FBXW7: variants seen among roughly 807,000 people sequenced by gnomAD.
FBXW7 encodes F-box and WD repeat domain containing 7, also known as F-box/WD repeat-containing protein 7.
Under a neutral mutation model 86.3 loss-of-function variants are expected in FBXW7, and 11 were observed. The observed-to-expected ratio is 0.13, with a 90% CI of 0.08 to 0.21. FBXW7 has a LOEUF of 0.21. Among genes scored for constraint, FBXW7 ranks in the 10% least tolerant of loss-of-function variants. The pLI is 1.00. For synonymous variants in FBXW7, 313 were observed against 297.9 expected (o/e 1.05, Z -0.52); for missense variants, 488 against 847.4 (o/e 0.58, Z 5.27).
chr4:152,473,239 C>CCAAAAA lies in FBXW7; in HGVS notation c.-119-60716_-119-60711dup, dbSNP rs905491708. The stretch of plus-strand genomic sequence containing the variant: ...GCTGGGCGACAGAGCAAGACTGTCT[C>CCAAAAA]CAAAAACAAAAACAAAAACAAAAGT... On this transcript the variant is annotated intron_variant, in intron 2 of 13. Transcript: ENST00000281708. 1.4e-4 allele frequency among the ~76,000 whole-genome samples: 21 copies of CCAAAAA among 152,180 alleles called. No individual in the cohort carries two copies. The East Asian group carries it at 2.3e-3, about 17-fold the overall frequency.
intron 2 of FBXW7, among the ~76,000 whole-genome samples, chr4:152,428,547 T>C (rs959591625): frequency 6.6e-6 from 1 of 152,220 alleles, no homozygotes; most frequent in Middle Eastern, 3.2e-3. Context: ...TCAGATGGAT[T>C]GTGCCTGCGA....
At chr4:152,367,377 T>A (rs941282439) in intron 4 of FBXW7, among the ~76,000 whole-genome samples, 3 of 152,150 alleles carry the variant, frequency 2.0e-5, no homozygotes, top group Non-Finnish European at 4.4e-5. Flanking sequence ...AAAATTAAAT[T>A]GAATACTACA....
At chr4:152,466,943 AAAT>A (rs199581983) in intron 2 of FBXW7, among the ~76,000 whole-genome samples, 8 of 152,040 alleles carry the variant, frequency 5.3e-5, no homozygotes, top group African/African-American at 1.7e-4. Flanking sequence ...TTCCGTCTCA[AAAT>A]AATAATAATA....
At chr4:152,382,066 A>C in intron 4 of FBXW7, 1 of 547,490 alleles carries the variant, frequency 1.8e-6, no homozygotes, top group Non-Finnish European at 3.1e-6. Flanking sequence ...TTTACTGGCT[A>C]CACAATGCAT....
chr4:152,396,675 T>C lies in FBXW7; in HGVS notation c.501+14628A>G, dbSNP rs532249335. On this transcript the variant is annotated intron_variant, in intron 4 of 13. Transcript: ENST00000281708. ...TTAAGAGTTCAACATGCACCAGCTATATTATGCTAACAATAACTCATTTCA... is the reference window on the plus strand; with the variant it reads ...TTAAGAGTTCAACATGCACCAGCTACATTATGCTAACAATAACTCATTTCA... Among the ~76,000 whole-genome samples, 13 of 152,166 alleles carry C rather than the reference T, an allele frequency of 8.5e-5. No homozygotes were observed. The South Asian group carries it at 2.5e-3, about 29-fold the overall frequency.
intron 7 of FBXW7, among the ~76,000 whole-genome samples, chr4:152,335,769 A>G (rs1293808251): frequency 6.6e-6 from 1 of 152,212 alleles, no homozygotes; most frequent in East Asian, 1.9e-4. Flanking sequence ...GGATTAAACT[A>G]GTCAAGGAAA....
At chr4:152,514,393 T>G (rs1409421579) in intron 2 of FBXW7, among the ~76,000 whole-genome samples, 1 of 152,232 alleles carries the variant, frequency 6.6e-6, no homozygotes, top group Non-Finnish European at 1.5e-5. Context: ...TCATGTTTCC[T>G]ACAACTCATA....
intron 2 of FBXW7, among the ~76,000 whole-genome samples, chr4:152,494,097 A>T (rs922813582): frequency 6.6e-6 from 1 of 152,206 alleles, no homozygotes; most frequent in African/African-American, 2.4e-5. Context: ...AAGCGTGTTT[A>T]AATACTGACG....
intron 2 of FBXW7, among the ~76,000 whole-genome samples, chr4:152,448,376 T>G (rs964440487): frequency 3.9e-5 from 6 of 152,224 alleles, no homozygotes; most frequent in Admixed American, 3.9e-4. Flanking sequence ...GTCTTTTATT[T>G]TTAATCATTT....
chr4:152,413,702 GCATTCAATATGCTTC>G (rs1738182075), intron 2 of FBXW7, among the ~76,000 whole-genome samples: 1 of 152,036 alleles, frequency 6.6e-6, no homozygotes, highest in South Asian at 2.1e-4. Context: ...TATTTGCTGA[GCATTCAATATGCTTC>G]CTGTACATGT....
chr4:152,501,040 C>G (rs1029044804), intron 2 of FBXW7, among the ~76,000 whole-genome samples: 1 of 152,126 alleles, frequency 6.6e-6, no homozygotes, highest in Non-Finnish European at 1.5e-5. Context: ...TAGACAAGTC[C>G]GACTTAAAGT....
chr4:152,439,775 A>G (rs1740713202), intron 2 of FBXW7, among the ~76,000 whole-genome samples: 1 of 150,416 alleles, frequency 6.6e-6, no homozygotes, highest in Non-Finnish European at 1.5e-5. Context: ...CTGAGGCAGG[A>G]GAATGGTGTG....
intron 4 of FBXW7, among the ~76,000 whole-genome samples, chr4:152,403,725 T>C (rs1737153373): frequency 6.6e-6 from 1 of 152,132 alleles, no homozygotes; most frequent in Non-Finnish European, 1.5e-5. Flanking sequence ...ACAGCTGATC[T>C]GACAGGAGGC....
intron 4 of FBXW7, among the ~76,000 whole-genome samples, chr4:152,364,638 A>G (rs560337147): frequency 7.2e-5 from 11 of 152,332 alleles, no homozygotes; most frequent in South Asian, 6.2e-4. Context: ...CTGAATACAT[A>G]GAGCACATGC....
intron 2 of FBXW7, among the ~76,000 whole-genome samples, chr4:152,458,910 T>C (rs1579258298): frequency 6.6e-6 from 1 of 152,062 alleles, no homozygotes; most frequent in East Asian, 1.9e-4. Flanking sequence ...AAGAGATAAA[T>C]AAACAATTCA....
At chr4:152,496,693 C>G (rs1316340568) in intron 2 of FBXW7, among the ~76,000 whole-genome samples, 1 of 151,986 alleles carries the variant, frequency 6.6e-6, no homozygotes, top group Non-Finnish European at 1.5e-5. Context: ...AAAAATAGAA[C>G]TGTATTGAAC....
intron 4 of FBXW7, among the ~76,000 whole-genome samples, chr4:152,398,330 C>G (rs1736607730): frequency 6.6e-6 from 1 of 150,426 alleles, no homozygotes; most frequent in Non-Finnish European, 1.5e-5. Context: ...TGATGTTTCA[C>G]AGTAAAAAAA....
At chr4:152,494,216 A>T (rs1056451467) in intron 2 of FBXW7, among the ~76,000 whole-genome samples, 1 of 152,228 alleles carries the variant, frequency 6.6e-6, no homozygotes, top group Non-Finnish European at 1.5e-5. Context: ...AAGCAAGACT[A>T]CCTCTATTTT....
At chr4:152,383,016 A>T (rs1323196587) in intron 4 of FBXW7, among the ~76,000 whole-genome samples, 1 of 152,096 alleles carries the variant, frequency 6.6e-6, no homozygotes, top group Non-Finnish European at 1.5e-5. Context: ...GACATTAAAT[A>T]CTGTATACTC....
Sources: allele counts gnomAD v4.1 joint callset (sites outside exome capture counted in the v4.1 genomes callset), GRCh38; gene constraint gnomAD v4.1.1; transcripts MANE v1.5; gene names NCBI Gene and HGNC (gene_info 2026-07-23, HGNC 2026-07-21).